EHBP1: variants seen among roughly 807,000 people sequenced by gnomAD.
The protein encoded by EHBP1 is EH domain binding protein 1.
Under a neutral mutation model 144.0 loss-of-function variants are expected in EHBP1, and 55 were observed. The observed-to-expected ratio is 0.38, with a 90% confidence interval of 0.31 to 0.48. EHBP1 has a LOEUF of 0.48. Ranked by LOEUF, EHBP1 falls within the 20% of genes least tolerant of loss-of-function variation. The probability of loss-of-function intolerance (pLI) is 0.98; values close to 1 mark genes in which losing one functional copy is unlikely to be tolerated. For synonymous variants in EHBP1, 469 were observed against 472.7 expected, an observed-to-expected ratio of 0.99 and a Z score of 0.10; for missense variants, 1,200 against 1,364.2, an observed-to-expected ratio of 0.88 and a Z score of 1.90.
At chr2:62,752,843 C>G (rs1348713048) in intron 3 of EHBP1, among the ~76,000 whole-genome samples, 2 of 151,686 alleles carry the variant, frequency 1.3e-5, no homozygotes, top group Admixed American at 6.6e-5. Flanking sequence ...TTTTTATTTT[C>G]CATTTGCTTG....
chr2:62,674,304 G>A (rs1437375432), intron 1 of EHBP1, among the ~76,000 whole-genome samples: 1 of 152,116 alleles, frequency 6.6e-6, no homozygotes, highest in African/African-American at 2.4e-5. Context: ...TTTACTGGGG[G>A]CTTACCTGAG....
chr2:62,863,313 T>C lies in EHBP1; in HGVS notation c.758-1418T>C, dbSNP rs190505659. Among the ~76,000 whole-genome samples the C allele has an allele frequency of 1.1e-3, 139 of 130,556 alleles. 2 individuals carry two copies. In the East Asian group the frequency reaches 0.029, roughly 27 times the overall value. 85.6% of individuals were successfully genotyped at this position (130,556 alleles called of 152,430 possible). A position where few individuals can be genotyped will look rare whatever the true frequency, so the allele number is the denominator to read the frequency against. On this transcript the variant is annotated intron_variant, in intron 8 of 22. Coordinates refer to ENST00000431489, the MANE Select transcript of EHBP1 (RefSeq NM_001142616.3). ...CACACACACACACGTACCATTGTTG[T>C]CCAGGCATGGTGGCTCACACCTGTA...
chr2:62,926,965 A>G (rs1334508242), intron 10 of EHBP1, among the ~76,000 whole-genome samples: 1 of 152,192 alleles, frequency 6.6e-6, no homozygotes, highest in Admixed American at 6.5e-5. Flanking sequence ...ATGAATGGTT[A>G]AAGAAAATGT....
chr2:62,948,162 C>A, intron 12 of EHBP1, 98 bp from the exon 13 acceptor site: 2 of 1,116,170 alleles, frequency 1.8e-6, no homozygotes, highest in Non-Finnish European at 2.4e-6. Context: ...ATGTCGATAA[C>A]ATGTACCCAA....
At chr2:62,682,548 T>C (rs959107271) in intron 1 of EHBP1, among the ~76,000 whole-genome samples, 2 of 152,222 alleles carry the variant, frequency 1.3e-5, no homozygotes, top group Non-Finnish European at 2.9e-5. Flanking sequence ...CAGCCTGGAA[T>C]GAGGATATCA....
chr2:62,908,158 G>A (rs1308524651), intron 10 of EHBP1, among the ~76,000 whole-genome samples: 1 of 152,146 alleles, frequency 6.6e-6, no homozygotes, highest in African/African-American at 2.4e-5. Flanking sequence ...TAATTTTTGT[G>A]TGTGTGAAAG....
At chr2:63,021,468 T>C (rs1019921099) in intron 19 of EHBP1, among the ~76,000 whole-genome samples, 1 of 152,190 alleles carries the variant, frequency 6.6e-6, no homozygotes, top group Non-Finnish European at 1.5e-5. Context: ...CCTACACTTA[T>C]TATATGAGTG....
intron 10 of EHBP1, among the ~76,000 whole-genome samples, chr2:62,917,107 A>G (rs2054686066): frequency 6.6e-6 from 1 of 152,168 alleles, no homozygotes; most frequent in African/African-American, 2.4e-5. Context: ...ACTAGGTTAT[A>G]TGATATGGCC....
chr2:62,998,237 T>C (rs921710709), intron 19 of EHBP1, among the ~76,000 whole-genome samples: 1 of 152,110 alleles, frequency 6.6e-6, no homozygotes, highest in Non-Finnish European at 1.5e-5. Flanking sequence ...CCCTAATAAG[T>C]TGCATGCATG....
chr2:62,919,959 A>G (rs1023553611), intron 10 of EHBP1, among the ~76,000 whole-genome samples: 1 of 152,168 alleles, frequency 6.6e-6, no homozygotes, highest in African/African-American at 2.4e-5. Flanking sequence ...AAGGTTGAAG[A>G]AAAGGGAACA....
At chr2:62,986,992 AAAT>A (rs2059224507) in intron 15 of EHBP1, among the ~76,000 whole-genome samples, 1 of 152,214 alleles carries the variant, frequency 6.6e-6, no homozygotes, top group East Asian at 1.9e-4. Context: ...AATTGAAAAA[AAAT>A]GAGTTGCAGG....
chr2:62,853,055 T>C (rs991576150), intron 7 of EHBP1, among the ~76,000 whole-genome samples: 11 of 152,346 alleles, frequency 7.2e-5, no homozygotes, highest in African/African-American at 2.6e-4. Flanking sequence ...TTTACTCATT[T>C]AGAAAAGGGA....
chr2:62,814,118 T>G (rs566566283), intron 5 of EHBP1, among the ~76,000 whole-genome samples: 39 of 152,334 alleles, frequency 2.6e-4, no homozygotes, highest in Non-Finnish European at 4.9e-4. Context: ...AAAGTTCCTG[T>G]GTTGGAAAAG....
At chr2:62,979,950 G>T (rs534283677) in intron 15 of EHBP1, among the ~76,000 whole-genome samples, 2 of 152,068 alleles carry the variant, frequency 1.3e-5, no homozygotes, top group South Asian at 4.2e-4. Context: ...GACATCTTTG[G>T]AACATTTTAC....
intron 2 of EHBP1, among the ~76,000 whole-genome samples, chr2:62,730,106 T>C (rs187062407): frequency 8.8e-4 from 134 of 152,266 alleles, no homozygotes; most frequent in African/African-American, 3.0e-3. Context: ...AAACAATTAA[T>C]AGACTTTATG....
chr2:62,783,097 G>A (rs1375718426), intron 5 of EHBP1, among the ~76,000 whole-genome samples: 1 of 152,116 alleles, frequency 6.6e-6, no homozygotes, highest in African/African-American at 2.4e-5. Flanking sequence ...AATCCAACAG[G>A]GCAGTCATTA....
At chr2:62,904,532 A>T (rs1558887744) in intron 10 of EHBP1, among the ~76,000 whole-genome samples, 1 of 151,370 alleles carries the variant, frequency 6.6e-6, no homozygotes. Flanking sequence ...CATGTGCTTC[A>T]CCCCCCCGGC....
chr2:62,750,097 T>C (rs1302397757), intron 3 of EHBP1, among the ~76,000 whole-genome samples: 1 of 152,220 alleles, frequency 6.6e-6, no homozygotes, highest in Non-Finnish European at 1.5e-5. Context: ...GGTTTTCTTC[T>C]AGGGTTTTTA....
chr2:63,024,997 G>GAA (rs112675485), intron 19 of EHBP1, among the ~76,000 whole-genome samples: 5 of 142,652 alleles, frequency 3.5e-5, no homozygotes, highest in Non-Finnish European at 4.6e-5. Context: ...TCCACTCTGG[G>GAA]AAAAAAAAAA....
Sources: allele counts gnomAD v4.1 joint callset (sites outside exome capture counted in the v4.1 genomes callset), GRCh38; gene constraint gnomAD v4.1.1; transcripts MANE v1.5; gene names NCBI Gene and HGNC (gene_info 2026-07-23, HGNC 2026-07-21).